Variants in ACSM6 observed in about 807,000 individuals in gnomAD.
The protein encoded by ACSM6 is acyl-CoA synthetase medium chain family member 6, also known as acyl-coenzyme A synthetase ACSM6, mitochondrial.
ACSM6 carries 35 observed loss-of-function variants against 51.1 expected under a neutral mutation model. That is an observed-to-expected ratio of 0.69 (90% CI 0.52 to 0.91). The LOEUF (loss-of-function observed/expected upper bound fraction) is 0.91. Among genes scored for constraint, ACSM6 ranks in the 40% least tolerant of loss-of-function variants. The pLI, the probability that ACSM6 is intolerant of heterozygous loss-of-function variation, is 0.00. For missense variants in ACSM6, 509 were observed against 584.1 expected (o/e 0.87, Z 1.32); for synonymous variants, 172 against 207.3 (o/e 0.83, Z 1.46).
intron 6 of ACSM6, among the ~76,000 whole-genome samples, 156 bp downstream of exon 6, chr10:95,212,190 G>A (rs575060250): frequency 6.6e-6 from 1 of 152,288 alleles, no homozygotes; most frequent in Non-Finnish European, 1.5e-5. Flanking sequence ...TGAGAGCAAT[G>A]CTCTCTCTCT....
intron 4 of ACSM6, among the ~76,000 whole-genome samples, chr10:95,210,237 A>G (rs633345): frequency 0.53 from 80,230 of 151,988 alleles, 22,099 homozygotes; most frequent in Middle Eastern, 0.66. Context: ...CCTGGTTAGG[A>G]ATAGTGAAGA....
At chr10:95,226,606 G>A (rs2035042621) in intron 10 of ACSM6, among the ~76,000 whole-genome samples, 1 of 152,146 alleles carries the variant, frequency 6.6e-6, no homozygotes, top group Non-Finnish European at 1.5e-5. Flanking sequence ...GGAGGGTGCA[G>A]AACGGTGATT....
At chr10:95,204,998 T>TGAG (rs1266517196) in intron 3 of ACSM6, among the ~76,000 whole-genome samples, 1 of 152,206 alleles carries the variant, frequency 6.6e-6, no homozygotes, top group Non-Finnish European at 1.5e-5. Context: ...TGTGCCCTTT[T>TGAG]GGTGGCATCC....
exon 11 of ACSM6, chr10:95,228,814 G>A (rs772179076): frequency 4.5e-6 from 7 of 1,542,660 alleles, no homozygotes; most frequent in Non-Finnish European, 6.1e-6. Context: ...TGAGCCTGGG[G>A]CTGTGGGAGT....
At chr10:95,212,204 C>T (rs758115813) in intron 6 of ACSM6, among the ~76,000 whole-genome samples, 170 bp downstream of exon 6, 29 of 152,122 alleles carry the variant, frequency 1.9e-4, no homozygotes, top group Non-Finnish European at 2.9e-4. Context: ...TCTCTCTTCC[C>T]TAGGGGCTTT....
At chr10:95,204,121 A>T (rs2133375807) in intron 3 of ACSM6, among the ~76,000 whole-genome samples, 1 of 152,330 alleles carries the variant, frequency 6.6e-6, no homozygotes, top group East Asian at 1.9e-4. Flanking sequence ...CAAGTTACGC[A>T]GAGTGATTTC....
intron 6 of ACSM6, 137 bp downstream of exon 6, chr10:95,212,171 C>T (rs2034899494): frequency 1.9e-6 from 2 of 1,065,902 alleles, no homozygotes; most frequent in African/African-American, 3.2e-5. Context: ...AAGATGCTCT[C>T]CCTGCTTGTG....
chr10:95,202,812 C>T (rs535120530), intron 3 of ACSM6, among the ~76,000 whole-genome samples: 98 of 151,958 alleles, frequency 6.4e-4, no homozygotes, highest in African/African-American at 2.3e-3. Context: ...TGGTGGCACA[C>T]ACCTGTAGTC....
At chr10:95,225,379 C>T (rs1381498003) in exon 10 of ACSM6, 9 of 1,548,908 alleles carry the variant, frequency 5.8e-6, no homozygotes, top group African/African-American at 1.4e-5. Flanking sequence ...CTTCTCTGTA[C>T]TGTCCACACA....
Position 95,212,457 on chromosome 10 carries a change from G to A in ACSM6, c.913-401G>A, listed in dbSNP as rs548356943. 5.9e-5 allele frequency among the ~76,000 whole-genome samples: 9 copies of A among 152,254 alleles called. No homozygotes were observed. The East Asian group carries it at 1.7e-3, about 29-fold the overall frequency. The stretch of plus-strand genomic sequence containing the variant: ...CAGAGGCAGAACTAGGAATTAAACT[G>A]TGGTCTACTGAACTCCACAGCACAA... On this transcript the variant is annotated intron_variant, in intron 6 of 10. Coordinates refer to ENST00000341686, the Ensembl canonical transcript of ACSM6.
chr10:95,203,356 A>G (rs1460831070), intron 3 of ACSM6, among the ~76,000 whole-genome samples: 1 of 152,162 alleles, frequency 6.6e-6, no homozygotes, highest in African/African-American at 2.4e-5. Context: ...TTACAATGTA[A>G]TAATAATAGA....
chr10:95,200,597 A>AAGAAGGAGAAGG (rs1231558605), intron 2 of ACSM6, among the ~76,000 whole-genome samples: 5 of 145,514 alleles, frequency 3.4e-5, no homozygotes, highest in African/African-American at 1.3e-4. Flanking sequence ...AAAGAAGAAG[A>AAGAAGGAGAAGG]AGAAGGAGAA....
chr10:95,198,552 G>C (rs1238454013), intron 2 of ACSM6, among the ~76,000 whole-genome samples: 1 of 151,942 alleles, frequency 6.6e-6, no homozygotes, highest in Non-Finnish European at 1.5e-5. Context: ...TTGGGAGTCT[G>C]AGGCAGGAGA....
intron 8 of ACSM6, 37 bp from the exon 9 acceptor site, chr10:95,219,854 T>G: frequency 6.5e-7 from 1 of 1,544,678 alleles, no homozygotes; most frequent in Non-Finnish European, 8.9e-7. Flanking sequence ...ATTTATTGCT[T>G]TTTTAAAGAA....
intron 2 of ACSM6, among the ~76,000 whole-genome samples, chr10:95,199,982 C>A (rs1350138020): frequency 3.3e-5 from 5 of 152,158 alleles, no homozygotes; most frequent in Non-Finnish European, 5.9e-5. Flanking sequence ...TACTATTTGA[C>A]CCAGCCATCC....
At chr10:95,201,109 A>G (rs1170134155) in intron 2 of ACSM6, among the ~76,000 whole-genome samples, 2 of 152,242 alleles carry the variant, frequency 1.3e-5, no homozygotes, top group Non-Finnish European at 2.9e-5. Context: ...GCAGGAATAG[A>G]ATCCTATCCG....
In ACSM6 at chr10:95,228,728, T is replaced by G. The variant is rs754494724; in HGVS notation, c.1387T>G (p.Phe463Val). The G allele has an allele frequency of 1.9e-6, 3 of 1,551,838 alleles. No homozygotes were observed. In the South Asian group the frequency reaches 3.6e-5, roughly 18 times the overall value. Residue 463 changes from phenylalanine to valine, a missense_variant, in exon 11 of 11, where the codon TTC becomes GTC. By Grantham distance (50) the Phe-to-Val change is conservative. Transcript: ENST00000341686. The stretch of plus-strand genomic sequence containing the variant: ...AGGGATCATGGATGAAGACGGCTAC[T>G]TCTGGTGGTCTGGTAGAGTTGATGA...
intron 10 of ACSM6, 88 bp from the exon 11 acceptor site, chr10:95,228,556 C>T (rs1464084946): frequency 1.5e-6 from 2 of 1,370,646 alleles, no homozygotes; most frequent in Non-Finnish European, 1.9e-6. Flanking sequence ...TCAGTCTCCC[C>T]TGGGGCTAGC....
At chr10:95,219,966 G>A (rs1215654948) in exon 9 of ACSM6, 1 of 1,606,300 alleles carries the variant, frequency 6.2e-7, no homozygotes. Context: ...ACCTTATATT[G>A]TCCAGGTAGG....
Sources: gnomAD v4.1 joint callset for allele counts (sites outside exome capture counted in the v4.1 genomes callset) on GRCh38, gnomAD v4.1.1 for gene constraint, MANE v1.5 for transcripts, NCBI Gene and HGNC (gene_info 2026-07-23, HGNC 2026-07-21) for gene names.